EIF3L: variants seen among roughly 807,000 people sequenced by gnomAD.
EIF3L encodes the protein eukaryotic translation initiation factor 3 subunit L.
EIF3L carries 32 observed loss-of-function variants against 74.6 expected under a neutral mutation model. The ratio of observed to expected loss-of-function variants is 0.43; its 90% confidence interval spans 0.32 to 0.58. The LOEUF is 0.58. Ranked by LOEUF, EIF3L falls within the 20% of genes least tolerant of loss-of-function variation. The probability of loss-of-function intolerance (pLI) is 0.06; values close to 1 mark genes in which losing one functional copy is unlikely to be tolerated. For synonymous variants in EIF3L, 256 were observed against 254.4 expected (o/e 1.01, Z -0.06); for missense variants, 474 against 707.8 (o/e 0.67, Z 3.75).
At chr22:37,860,648 C>T (rs1925807241) in intron 5 of EIF3L, among the ~76,000 whole-genome samples, 1 of 152,236 alleles carries the variant, frequency 6.6e-6, no homozygotes. Context: ...GCTAAGATTA[C>T]AGGCGTGAGC....
At position 37,886,904 on chromosome 22, in the gene EIF3L, C is replaced by T. The variant is rs16998589; in HGVS notation, c.1656+59C>T. On this transcript the variant is annotated intron_variant, in intron 12 of 12. Transcript: ENST00000652021. ...TCAGGACAGAGCTTAGGAACTGAAT[C>T]GAGAGTTTACTTTTTTTTAATTTTT... 0.011 allele frequency: 14,752 copies of T among 1,354,998 alleles called. 992 individuals carry two copies. The African/African-American group carries it at 0.17, about 15-fold the overall frequency. 83.9% of individuals were successfully genotyped at this position (1,354,998 alleles called of 1,614,324 possible).
At chr22:37,862,133 G>C (rs980933557) in intron 5 of EIF3L, among the ~76,000 whole-genome samples, 1 of 152,184 alleles carries the variant, frequency 6.6e-6, no homozygotes, top group Non-Finnish European at 1.5e-5. Flanking sequence ...ACTGCGCCCA[G>C]CTATATAATC....
rs762385956 is a variant in EIF3L at position 37,863,282 on chromosome 22, T to A, written c.516T>A (p.Gly172=). 5 of 1,613,850 alleles carry A rather than the reference T, an allele frequency of 3.1e-6. No individual in the cohort carries two copies. The highest frequency in any genetic ancestry group is 4.2e-6 in the Non-Finnish European group (5 of 1,179,880). Reference sequence around the variant, plus strand: ...TGATCTCCTGCACAGATGCCGATGGTCCTGCTCCCCTTGAACTACCCAACC... The same window carrying A: ...TGATCTCCTGCACAGATGCCGATGGACCTGCTCCCCTTGAACTACCCAACC... ...NLFNYILNAD[G]PAPLELPNQW... The change falls in exon 7 of 13, where the codon GGT becomes GGA. Residue 172 remains glycine, a synonymous_variant. Transcript: ENST00000652021.
chr22:37,874,878 GC>G (rs1926660421), intron 9 of EIF3L, among the ~76,000 whole-genome samples: 1 of 148,692 alleles, frequency 6.7e-6, no homozygotes, highest in Admixed American at 6.7e-5. Flanking sequence ...ACAGGCATGC[GC>G]CACCATGCCC....
chr22:37,863,139 A>G, intron 6 of EIF3L, 101 bp downstream of exon 6: 2 of 1,191,638 alleles, frequency 1.7e-6, no homozygotes, highest in East Asian at 2.4e-5. Flanking sequence ...CAGGATCTTA[A>G]TGTGTAGGTG....
intron 11 of EIF3L, 106 bp from the exon 12 acceptor site, chr22:37,886,659 C>CT: frequency 2.3e-6 from 2 of 856,812 alleles, no homozygotes. Context: ...ACCTTTACAT[C>CT]TAACACTCAC....
At chr22:37,878,986 C>G (rs1045324748) in intron 11 of EIF3L, 3 of 149,138 alleles carry the variant, frequency 2.0e-5, no homozygotes, top group Non-Finnish European at 4.4e-5. Flanking sequence ...GTCTGTCGCC[C>G]AGGCTAGAGT....
chr22:37,886,547 C>T (rs943290247), intron 11 of EIF3L: 29 of 311,074 alleles, frequency 9.3e-5, no homozygotes, highest in African/African-American at 3.9e-4. Flanking sequence ...CCAGCCTGGG[C>T]GACGAGCAAA....
At chr22:37,878,244 G>A in intron 11 of EIF3L, 73 bp downstream of exon 11, 1 of 1,504,668 alleles carries the variant, frequency 6.6e-7, no homozygotes, top group Non-Finnish European at 8.8e-7. Context: ...GTGGGCACAT[G>A]AAGTATATCG....
At chr22:37,869,836 T>C (rs930827720) in intron 7 of EIF3L, among the ~76,000 whole-genome samples, 2 of 152,172 alleles carry the variant, frequency 1.3e-5, no homozygotes, top group African/African-American at 2.4e-5. Context: ...CTGTGGTGTT[T>C]CTGGTGGCCC....
At chr22:37,860,111 AT>A (rs1404915079) in intron 5 of EIF3L, among the ~76,000 whole-genome samples, 1 of 152,234 alleles carries the variant, frequency 6.6e-6, no homozygotes, top group Non-Finnish European at 1.5e-5. Context: ...AGACTTGTAT[AT>A]TCAGCTGTCA....
At chr22:37,850,442 T>C in intron 2 of EIF3L, 1 of 226,022 alleles carries the variant, frequency 4.4e-6, no homozygotes, top group Middle Eastern at 1.9e-3. Context: ...CAAGCAGTAG[T>C]TCTCTTGTCT....
intron 7 of EIF3L, among the ~76,000 whole-genome samples, chr22:37,869,726 A>G (rs1033047476): frequency 6.6e-6 from 1 of 152,130 alleles, no homozygotes; most frequent in South Asian, 2.1e-4. Context: ...CAGCTGTGGT[A>G]GGGAAGGCTC....
chr22:37,876,156 CCTA>C, intron 10 of EIF3L, 145 bp downstream of exon 10: 2 of 811,624 alleles, frequency 2.5e-6, no homozygotes, highest in Non-Finnish European at 3.8e-6. Context: ...TGTGATTGTG[CCTA>C]CTAATAGATC....
At chr22:37,849,684 T>TC in intron 1 of EIF3L, 1 of 633,642 alleles carries the variant, frequency 1.6e-6, no homozygotes. Flanking sequence ...GATTGGCTTG[T>TC]CCTTCCCCTT....
intron 4 of EIF3L, among the ~76,000 whole-genome samples, chr22:37,857,670 G>A (rs926097469): frequency 1.8e-4 from 28 of 151,464 alleles, no homozygotes; most frequent in Non-Finnish European, 3.4e-4. Flanking sequence ...TCAGCCTCCC[G>A]AGTAGCTGGG....
chr22:37,859,710 A>G (rs1350963734), intron 5 of EIF3L, among the ~76,000 whole-genome samples: 3 of 151,002 alleles, frequency 2.0e-5, no homozygotes, highest in African/African-American at 7.3e-5. Context: ...TTAAAATGCC[A>G]TCTGTACTAT....
At chr22:37,857,382 A>C (rs962736018) in intron 4 of EIF3L, among the ~76,000 whole-genome samples, 5 of 151,038 alleles carry the variant, frequency 3.3e-5, no homozygotes, top group African/African-American at 1.2e-4. Flanking sequence ...AAAAAAAAAA[A>C]AAAAAAAAAA....
chr22:37,855,620 G>C lies in EIF3L; in HGVS notation c.349G>C (p.Ala117Pro). 6.2e-7 allele frequency: 1 copy of C among 1,614,178 alleles called. No individual in the cohort carries two copies. Among genetic ancestry groups the C allele is most frequent in the South Asian group, 1.1e-5 (1 of 91,084 alleles). ...GAATACACCTTGGCCCGAGGCTGAA[G>C]CCATTGCTCCACAGGTTGGCAATGG... ...FKNTPWPEAE[A>P]IAPQVGNDAV... The change falls in exon 4 of 13, where the codon GCC becomes CCC. Residue 117 changes from alanine to proline, a missense_variant. Around this residue, in one of 4 missense-constraint regions of EIF3L, gnomAD observed 141 missense variants for 197.7 expected, o/e 0.71. Coordinates refer to ENST00000652021, the MANE Select transcript of EIF3L (RefSeq NM_016091.4).
Sources: gnomAD v4.1 joint callset for allele counts (sites outside exome capture counted in the v4.1 genomes callset) on GRCh38, gnomAD v4.1.1 for gene constraint, gnomAD v4.1.1 regional missense constraint, MANE v1.5 for transcripts, NCBI Gene and HGNC (gene_info 2026-07-23, HGNC 2026-07-21) for gene names.